Variants in EPS15L1 observed in about 807,000 individuals in gnomAD.
The protein encoded by EPS15L1 is epidermal growth factor receptor substrate 15-like 1.
EPS15L1 carries 43 observed loss-of-function variants against 117.1 expected under a neutral mutation model. The observed-to-expected ratio is 0.37, with a 90% confidence interval of 0.29 to 0.47. The LOEUF (loss-of-function observed/expected upper bound fraction) is 0.47. EPS15L1 is among the 20% of genes least tolerant of loss of function. The probability of loss-of-function intolerance (pLI) is 0.99; values close to 1 mark genes in which losing one functional copy is unlikely to be tolerated. For missense variants in EPS15L1, 981 were observed against 1,164.0 expected (o/e 0.84, Z 2.29); for synonymous variants, 459 against 470.5 (o/e 0.98, Z 0.32).
At position 16,386,251 on chromosome 19, in the gene EPS15L1, A is replaced by G. The variant is rs748488000; in HGVS notation, c.2104-20T>C. 1.2e-6 allele frequency: 2 copies of G among 1,600,654 alleles called. No homozygotes were observed. The highest frequency in any genetic ancestry group is 1.1e-5 in the South Asian group (1 of 89,724). On this transcript the variant is annotated intron_variant, in intron 19 of 23. Coordinates refer to ENST00000455140, the MANE Select transcript of EPS15L1 (RefSeq NM_001258374.3). ...GTCGAGCTAAATGAAAGGAGAGAGG[A>G]AAGAGTAAAAAGCAGTTCGTTGGTT...
At chr19:16,453,825 A>G (rs2093169564) in intron 1 of EPS15L1, among the ~76,000 whole-genome samples, 2 of 152,056 alleles carry the variant, frequency 1.3e-5, no homozygotes, top group Admixed American at 6.6e-5. Flanking sequence ...AAATATGCAC[A>G]TGTACTCTCT....
chr19:16,452,530 G>C (rs760738929), intron 1 of EPS15L1, among the ~76,000 whole-genome samples: 1 of 151,268 alleles, frequency 6.6e-6, no homozygotes, highest in Admixed American at 6.6e-5. Context: ...TAAGGCAGGA[G>C]GATTGCCTGA....
intron 6 of EPS15L1, among the ~76,000 whole-genome samples, chr19:16,435,469 GTACACT>G (rs2092969502): frequency 1.3e-5 from 2 of 152,124 alleles, no homozygotes; most frequent in Non-Finnish European, 1.5e-5. Flanking sequence ...TTCCTGAACT[GTACACT>G]TAGAAATGGT....
At chr19:16,414,786 T>C (rs922509520) in intron 12 of EPS15L1, among the ~76,000 whole-genome samples, 1 of 150,832 alleles carries the variant, frequency 6.6e-6, no homozygotes, top group Non-Finnish European at 1.5e-5. Flanking sequence ...CATAGCTCAC[T>C]GCATCCTTGA....
intron 22 of EPS15L1, among the ~76,000 whole-genome samples, chr19:16,373,675 G>A (rs2092256445): frequency 6.6e-6 from 1 of 152,150 alleles, no homozygotes; most frequent in African/African-American, 2.4e-5. Flanking sequence ...CGTGTGGCCA[G>A]GAACCGGGAA....
At chr19:16,412,915 A>G in intron 13 of EPS15L1, 1 of 644,350 alleles carries the variant, frequency 1.6e-6, no homozygotes, top group Non-Finnish European at 2.9e-6. Flanking sequence ...CAAGGACATG[A>G]AGATCAAGTC....
At chr19:16,440,074 A>AAAAAAAAAAC (rs2093015670) in intron 4 of EPS15L1, among the ~76,000 whole-genome samples, 1 of 151,222 alleles carries the variant, frequency 6.6e-6, no homozygotes, top group East Asian at 1.9e-4. Context: ...TCCAAAAAAA[A>AAAAAAAAAAC]AAAAAAAAAA....
chr19:16,372,243 G>A (rs1170563234), intron 22 of EPS15L1, among the ~76,000 whole-genome samples: 1 of 152,160 alleles, frequency 6.6e-6, no homozygotes, highest in Non-Finnish European at 1.5e-5. Flanking sequence ...ACCTCTGCAG[G>A]TTCCCAGGTG....
At chr19:16,456,204 C>T in intron 1 of EPS15L1, among the ~76,000 whole-genome samples, 1 of 147,216 alleles carries the variant, frequency 6.8e-6, no homozygotes, top group East Asian at 2.1e-4. Flanking sequence ...CTGTCTCAAA[C>T]AAACAAACAA....
intron 9 of EPS15L1, among the ~76,000 whole-genome samples, chr19:16,423,818 C>T (rs959315035): frequency 1.3e-5 from 2 of 152,194 alleles, no homozygotes; most frequent in African/African-American, 2.4e-5. Flanking sequence ...AGGAGTCAGA[C>T]AAGCTGAGCT....
At chr19:16,448,617 G>A (rs2145115055) in intron 1 of EPS15L1, among the ~76,000 whole-genome samples, 1 of 151,956 alleles carries the variant, frequency 6.6e-6, no homozygotes, top group East Asian at 1.9e-4. Context: ...GCCAAGGTAG[G>A]CGGATCACCT....
At chr19:16,382,087 C>T (rs1338008412) in intron 21 of EPS15L1, among the ~76,000 whole-genome samples, 4 of 152,240 alleles carry the variant, frequency 2.6e-5, no homozygotes, top group African/African-American at 2.4e-5. Context: ...TCAGAGCCGC[C>T]TAACCCTCCA....
At chr19:16,369,997 A>C (rs998184440) in intron 22 of EPS15L1, among the ~76,000 whole-genome samples, 7 of 152,154 alleles carry the variant, frequency 4.6e-5, no homozygotes, top group African/African-American at 1.4e-4. Context: ...CCAATGTCGC[A>C]GACGCCACCT....
At chr19:16,441,853 G>A (rs756344343) in intron 3 of EPS15L1, 39 bp downstream of exon 3, 2 of 1,529,738 alleles carry the variant, frequency 1.3e-6, no homozygotes, top group Non-Finnish European at 9.0e-7. Flanking sequence ...AGCTGTGAGG[G>A]CAGCCACAGA....
rs559504553 is a variant in EPS15L1, at chr19:16,365,980, G to A, written c.2381-3996C>T. 3.9e-5 allele frequency among the ~76,000 whole-genome samples: 6 copies of A among 152,340 alleles called. No individual in the cohort carries two copies. The highest frequency in any genetic ancestry group is 1.4e-4 in the African/African-American group (6 of 41,568). On this transcript the variant is annotated intron_variant, in intron 22 of 23. Coordinates refer to ENST00000455140, the MANE Select transcript of EPS15L1 (RefSeq NM_001258374.3). This position sits in a 1 kb window ranked among gnomAD's most constrained non-coding sequence, Gnocchi z 4.9. ...GGAGCAACACCCTGGGGAGCGAGAA[G>A]GGAATAAAGGCATCTGCCCTTCCTG...
chr19:16,462,915 C>T (rs532024393), intron 1 of EPS15L1, among the ~76,000 whole-genome samples: 3 of 152,172 alleles, frequency 2.0e-5, no homozygotes, highest in Non-Finnish European at 4.4e-5. Flanking sequence ...GTCCTTTATT[C>T]CCAGCCCAGT....
At chr19:16,363,392 C>T (rs532298213) in intron 22 of EPS15L1, among the ~76,000 whole-genome samples, 6 of 152,328 alleles carry the variant, frequency 3.9e-5, no homozygotes, top group East Asian at 1.9e-4. Context: ...ACACCTGCCC[C>T]GCCCACCACC....
chr19:16,355,948 G>T, intron 23 of EPS15L1, 97 bp from the exon 24 acceptor site: 1 of 1,402,134 alleles, frequency 7.1e-7, no homozygotes, highest in Non-Finnish European at 9.6e-7. Flanking sequence ...TCAGGGTCCT[G>T]CCCACCGCCC....
intron 4 of EPS15L1, among the ~76,000 whole-genome samples, chr19:16,438,876 A>C (rs190491840): frequency 5.3e-5 from 8 of 152,060 alleles, no homozygotes; most frequent in Admixed American, 3.9e-4. Flanking sequence ...TCAGAAACTC[A>C]TATCTGTGGT....
Sources: gnomAD v4.1 joint callset for allele counts (sites outside exome capture counted in the v4.1 genomes callset) on GRCh38, gnomAD v4.1.1 for gene constraint, Gnocchi (gnomAD v3.1) non-coding constraint, MANE v1.5 for transcripts, NCBI Gene and HGNC (gene_info 2026-07-23, HGNC 2026-07-21) for gene names.